The following MUC12 variants were observed in gnomAD, a reference collection of about 807,000 sequenced individuals.
MUC12 encodes mucin-12.
In MUC12, 172 loss-of-function variants were observed where a neutral mutation model predicts 230.8. The ratio of observed to expected loss-of-function variants is 0.75; its 90% CI spans 0.66 to 0.85. The LOEUF (loss-of-function observed/expected upper bound fraction) is 0.85. Among genes scored for constraint, MUC12 ranks in the 40% least tolerant of loss-of-function variants. MUC12 has a pLI of 0.00. For missense variants in MUC12, 3,506 were observed against 5,920.6 expected (o/e 0.59, Z 13.38); for synonymous variants, 1,259 against 2,401.9 (o/e 0.52, Z 13.91).
intron 1 of MUC12, among the ~76,000 whole-genome samples, chr7:100,982,623 C>T (rs1437852564): frequency 6.6e-6 from 1 of 151,768 alleles, no homozygotes. Flanking sequence ...GAGATGGGGT[C>T]TCATTATATT....
At chr7:100,989,079 T>C in intron 1 of MUC12, among the ~76,000 whole-genome samples, 1 of 151,430 alleles carries the variant, frequency 6.6e-6, no homozygotes, top group South Asian at 2.1e-4. Context: ...CAGTCTCTGG[T>C]ATGTCTTCTT....
At chr7:101,017,521 C>T (rs1271276187) in intron 10 of MUC12, 54 bp from the exon 11 acceptor site, 1 of 1,160,874 alleles carries the variant, frequency 8.6e-7, no homozygotes. Flanking sequence ...CCCTCTGCCC[C>T]CTAGTCCTCC....
intron 1 of MUC12, among the ~76,000 whole-genome samples, chr7:100,987,685 T>C (rs1329934413): frequency 1.3e-5 from 2 of 152,144 alleles, no homozygotes; most frequent in Non-Finnish European, 2.9e-5. Context: ...CTTTTAGAAG[T>C]GTGTGGGCCA....
intron 7 of MUC12, 34 bp downstream of exon 7, chr7:101,012,924 T>G: frequency 6.5e-7 from 1 of 1,536,884 alleles, no homozygotes; most frequent in Non-Finnish European, 8.7e-7. Flanking sequence ...GCACTAAGAG[T>G]GGGGGCTGGG....
chr7:101,004,652 C>G lies in MUC12; in HGVS notation c.14089C>G (p.Pro4697Ala). Residue 4697 changes from proline (P) to alanine (A), a missense_variant, in exon 2 of 12, where the codon CCC becomes GCC. Physicochemically the swap from Pro to Ala is conservative, Grantham distance 27. Coordinates refer to ENST00000536621, the MANE Select transcript of MUC12 (RefSeq NM_001164462.2). ...CAGCCCAGATACAAATGGAATCACA[C>G]CCTTACCTGCCCATTTTACTACCTC... The part of the protein sequence containing the change: ...HSSPDTNGIT[P>A]LPAHFTTSGR... 6.5e-7 allele frequency: 1 copy of G among 1,537,428 alleles called. No homozygotes were observed. The highest frequency in any genetic ancestry group is 1.2e-5 in the South Asian group (1 of 84,038).
chr7:100,969,745 A>T, intron 1 of MUC12, 56 bp downstream of exon 1: 1 of 1,535,436 alleles, frequency 6.5e-7, no homozygotes, highest in South Asian at 1.2e-5. Flanking sequence ...GTAATAGTAC[A>T]TGCCCCTGCC....
In MUC12 at chr7:100,991,584, G is replaced by A. The variant is rs1361188100; in HGVS notation, c.1021G>A (p.Ala341Thr). The A allele has an allele frequency of 4.8e-5, 74 of 1,536,776 alleles. No individual in the cohort carries two copies. The highest frequency in any genetic ancestry group is 6.3e-5 in the Non-Finnish European group (72 of 1,146,426). Residue 341 changes from alanine to threonine, a missense_variant, in exon 2 of 12, where the codon GCA (alanine) becomes ACA (threonine). By Grantham distance (58) the Ala-to-Thr change is moderately conservative. Coordinates refer to ENST00000536621, the MANE Select transcript of MUC12 (RefSeq NM_001164462.2). ...TPVHSSPVAT[A>T]TTPPPARSAT... ...AGTCCACAGCAGCCCAGTTGCAACT[G>A]CAACAACACCCCCACCTGCCCGCTC... is the stretch of plus-strand genomic sequence containing the variant.
At chr7:100,970,793 C>T (rs374240825) in intron 1 of MUC12, among the ~76,000 whole-genome samples, 36 of 151,892 alleles carry the variant, frequency 2.4e-4, no homozygotes, top group African/African-American at 4.8e-4. Flanking sequence ...GTCAGGAGAT[C>T]GAGACCATCC....
chr7:101,011,271 AG>A (rs1444400468), intron 5 of MUC12, among the ~76,000 whole-genome samples: 1 of 152,106 alleles, frequency 6.6e-6, no homozygotes, highest in Non-Finnish European at 1.5e-5. Flanking sequence ...ATTTTGGCTC[AG>A]GATTTTTTTT....
chr7:100,995,558 C>T lies in MUC12; in HGVS notation c.4995C>T (p.Ser1665=), dbSNP rs1456819513. The T allele has an allele frequency of 1.3e-6, 2 of 1,536,590 alleles. No homozygotes were observed. The highest frequency in any genetic ancestry group is 2.0e-5 in the Admixed American group (1 of 50,954). Residue 1665 remains serine (S), a synonymous_variant, in exon 2 of 12, where the codon AGC becomes AGT. Coordinates refer to ENST00000536621, the MANE Select transcript of MUC12 (RefSeq NM_001164462.2). ...GLLEASTPVH[S]STGSPHTTLS... is the part of the protein sequence containing the mutation. The stretch of plus-strand genomic sequence containing the variant: ...TTGAAGCATCTACGCCCGTCCACAG[C>T]AGCACTGGATCGCCACACACAACAC...
Position 100,991,619 on chromosome 7 carries a change from A to G in MUC12, c.1056A>G (p.Ser352=). ...TTPPPARSAT[S]GHVEESTAYH... is the part of the protein sequence containing the mutation. ...CCCCACCTGCCCGCTCCGCGACCTC[A>G]GGCCATGTTGAAGAATCTACAGCCT... The change falls in exon 2 of 12, where the codon TCA becomes TCG. Residue 352 remains serine (S), a synonymous_variant. Coordinates refer to ENST00000536621, the MANE Select transcript of MUC12 (RefSeq NM_001164462.2). The G allele has an allele frequency of 6.5e-7, 1 of 1,536,978 alleles. No homozygotes were observed.
Position 100,989,534 on chromosome 7 carries a change from A to C in MUC12, c.68-1097A>C, listed in dbSNP as rs1336831292. On this transcript the variant is annotated intron_variant, in intron 1 of 11. Coordinates refer to ENST00000536621, the MANE Select transcript of MUC12 (RefSeq NM_001164462.2). ...CGTGTGGGGGCATTTGTGGGAGTACAACCTTCTGCTGGAATTGATGCCTGA... is the reference window on the plus strand; with the variant it reads ...CGTGTGGGGGCATTTGTGGGAGTACCACCTTCTGCTGGAATTGATGCCTGA... Among the ~76,000 whole-genome samples, 5 of 152,184 alleles carry C rather than the reference A, an allele frequency of 3.3e-5. 1 individual carries two copies. Among genetic ancestry groups the C allele is most frequent in the Admixed American group, 3.3e-4 (5 of 15,254 alleles).
chr7:101,010,871 A>G (rs1476652677), intron 5 of MUC12, among the ~76,000 whole-genome samples: 1 of 152,032 alleles, frequency 6.6e-6, no homozygotes, highest in Non-Finnish European at 1.5e-5. Context: ...GCTGGTCTCA[A>G]ACTCCTGGGT....
chr7:101,009,902 AAGTT>A (rs1191673098), intron 5 of MUC12, among the ~76,000 whole-genome samples: 3 of 152,206 alleles, frequency 2.0e-5, no homozygotes, highest in Non-Finnish European at 4.4e-5. Flanking sequence ...GGCTCATGCC[AAGTT>A]AGTTAGACTT....
At chr7:101,007,937 A>T (rs1293042627) in intron 3 of MUC12, among the ~76,000 whole-genome samples, 4 of 149,830 alleles carry the variant, frequency 2.7e-5, no homozygotes, top group Admixed American at 6.7e-5. Flanking sequence ...AGCTGGGACT[A>T]CAGGTGCCCG....
chr7:100,992,302 T>C lies in MUC12; in HGVS notation c.1739T>C (p.Phe580Ser). 3 of 1,536,648 alleles carry C rather than the reference T, an allele frequency of 2.0e-6. No individual in the cohort carries two copies. Among genetic ancestry groups the C allele is most frequent in the Non-Finnish European group, 1.7e-6 (2 of 1,146,146 alleles). ...ASSLGPEYTTFHSRPGSTETT... is the reference protein window; with the variant it reads ...ASSLGPEYTTSHSRPGSTETT... ...TCCCTTGGTCCAGAATATACTACCT[T>C]CCACAGCCGCCCAGGCTCCACTGAA... Residue 580 changes from phenylalanine to serine, a missense_variant, in exon 2 of 12, where the codon TTC becomes TCC. Transcript: ENST00000536621.
chr7:100,987,983 A>AG (rs1264720467), intron 1 of MUC12, among the ~76,000 whole-genome samples: 2 of 149,234 alleles, frequency 1.3e-5, no homozygotes, highest in East Asian at 2.0e-4. Context: ...AAAAAAAAAA[A>AG]GAAAAGAAAA....
chr7:100,979,185 C>G (rs1793070024), intron 1 of MUC12, among the ~76,000 whole-genome samples: 1 of 152,130 alleles, frequency 6.6e-6, no homozygotes, highest in Admixed American at 6.6e-5. Flanking sequence ...CAAGAAAGGA[C>G]TCAACTTAAT....
chr7:100,988,172 C>T (rs1284966645), intron 1 of MUC12, among the ~76,000 whole-genome samples: 1 of 150,378 alleles, frequency 6.6e-6, no homozygotes, highest in Non-Finnish European at 1.5e-5. Flanking sequence ...GTGGTGGGTG[C>T]CTGTAATCCC....
Sources: gnomAD v4.1 joint callset for allele counts (sites outside exome capture counted in the v4.1 genomes callset) on GRCh38, gnomAD v4.1.1 for gene constraint, MANE v1.5 for transcripts, NCBI Gene and HGNC (gene_info 2026-07-23, HGNC 2026-07-21) for gene names.